TENM1: variants seen among roughly 807,000 people sequenced by gnomAD.
TENM1 encodes teneurin-1.
Under a neutral mutation model 174.8 loss-of-function variants are expected in TENM1, and 35 were observed. That is an observed-to-expected ratio of 0.20 (90% CI 0.15 to 0.27). TENM1 has a LOEUF of 0.27. Among genes scored for constraint, TENM1 ranks in the 10% least tolerant of loss-of-function variants. The pLI is 1.00. For missense variants in TENM1, 1,633 were observed against 2,130.1 expected, an observed-to-expected ratio of 0.77 and a Z score of 4.59; for synonymous variants, 781 against 798.7, an observed-to-expected ratio of 0.98 and a Z score of 0.37.
intron 1 of TENM1, among the ~76,000 whole-genome samples, chrX:124,925,450 A>G (rs1020852052): frequency 8.9e-6 from 1 of 112,229 alleles, no homozygotes; most frequent in African/African-American, 3.2e-5. Flanking sequence ...TTTACAGTTT[A>G]TATGCATGCT....
the TENM1 span, among the ~76,000 whole-genome samples, chrX:125,100,519 A>G: frequency 8.9e-6 from 1 of 112,218 alleles, no homozygotes; most frequent in Non-Finnish European, 1.9e-5. Flanking sequence ...AAATTTCACA[A>G]TACCATTGGG....
At chrX:124,770,780 C>T (rs770384804) in intron 3 of TENM1, among the ~76,000 whole-genome samples, 120 of 110,292 alleles carry the variant, frequency 1.1e-3, no homozygotes, top group Admixed American at 1.8e-3. Context: ...ATCTTTCTTG[C>T]GTTCTTTTTC....
chrX:124,400,825 T>G (rs1389709408), intron 27 of TENM1, among the ~76,000 whole-genome samples: 1 of 112,346 alleles, frequency 8.9e-6, no homozygotes, highest in African/African-American at 3.2e-5. Context: ...GCACTCTAAT[T>G]TCTCTATTGT....
chrX:124,955,298 T>A (rs1206704295), intron 1 of TENM1, among the ~76,000 whole-genome samples: 1 of 111,760 alleles, frequency 8.9e-6, no homozygotes, highest in Non-Finnish European at 1.9e-5. Flanking sequence ...ATTTAATTGG[T>A]CTGGGGAACA....
At chrX:125,173,159 A>C in the TENM1 span, among the ~76,000 whole-genome samples, 1 of 111,936 alleles carries the variant, frequency 8.9e-6, no homozygotes, top group South Asian at 3.7e-4. Context: ...ACATTTTATA[A>C]ACAGACATGA....
At chrX:124,588,599 G>C (rs1454951942) in intron 11 of TENM1, among the ~76,000 whole-genome samples, 10 of 110,074 alleles carry the variant, frequency 9.1e-5, no homozygotes, top group Non-Finnish European at 1.7e-4. Flanking sequence ...GCTAAATGAC[G>C]AGTTAATGGG....
chrX:124,643,267 T>C (rs970127263), intron 10 of TENM1, among the ~76,000 whole-genome samples: 1 of 111,667 alleles, frequency 9.0e-6, no homozygotes, highest in Non-Finnish European at 1.9e-5. Context: ...AATGTATTCA[T>C]GGAAGTCATA....
chrX:125,126,810 G>GC, the TENM1 span, among the ~76,000 whole-genome samples: 2 of 110,467 alleles, frequency 1.8e-5, no homozygotes, highest in Non-Finnish European at 3.8e-5. Flanking sequence ...CATGAATACT[G>GC]CCTCTAGGAA....
At chrX:125,065,777 TA>T in the TENM1 span, among the ~76,000 whole-genome samples, 562 of 112,613 alleles carry the variant, frequency 5.0e-3, 2 homozygotes, top group African/African-American at 0.017. Context: ...AAAATTGGTA[TA>T]AAAATAGCTG....
chrX:124,460,750 A>G (rs2061162454), intron 22 of TENM1, among the ~76,000 whole-genome samples: 1 of 110,818 alleles, frequency 9.0e-6, no homozygotes, highest in African/African-American at 3.3e-5. Context: ...AAAAAAAAAA[A>G]AAAGAAAATG....
chrX:125,167,683 G>T, the TENM1 span, among the ~76,000 whole-genome samples: 7 of 111,247 alleles, frequency 6.3e-5, no homozygotes, highest in Admixed American at 6.7e-4. Context: ...CCTCTATAAA[G>T]TGGGCACGGT....
chrX:124,728,866 C>T (rs2053500924), intron 4 of TENM1, among the ~76,000 whole-genome samples: 1 of 112,048 alleles, frequency 8.9e-6, no homozygotes, highest in South Asian at 3.7e-4. Context: ...CTCTCTGTAC[C>T]TCAGTTGCTT....
chrX:124,698,381 A>G (rs1393153439), intron 5 of TENM1, among the ~76,000 whole-genome samples: 3 of 111,206 alleles, frequency 2.7e-5, no homozygotes, highest in Non-Finnish European at 5.7e-5. Flanking sequence ...CTCCTGATAC[A>G]TCTTATTAGT....
At chrX:124,781,687 G>A (rs1233432025) in intron 3 of TENM1, among the ~76,000 whole-genome samples, 1 of 111,216 alleles carries the variant, frequency 9.0e-6, no homozygotes, top group South Asian at 3.8e-4. Context: ...TCTCCAAAAT[G>A]TATCCCTGTC....
At chrX:124,883,554 C>T (rs1447741848) in intron 3 of TENM1, among the ~76,000 whole-genome samples, 1 of 112,449 alleles carries the variant, frequency 8.9e-6, no homozygotes, top group Non-Finnish European at 1.9e-5. Flanking sequence ...TTCCAGAAAG[C>T]TTGCTCAAGT....
chrX:124,989,610 A>G, the TENM1 span, among the ~76,000 whole-genome samples: 1 of 111,274 alleles, frequency 9.0e-6, no homozygotes, highest in African/African-American at 3.3e-5. Context: ...CCTGATTTTA[A>G]GACTTATTAC....
the TENM1 span, among the ~76,000 whole-genome samples, chrX:125,064,241 A>G: frequency 9.0e-6 from 1 of 110,855 alleles, no homozygotes; most frequent in African/African-American, 3.3e-5. Context: ...GCACACCAAC[A>G]TGGCACATGT....
intron 5 of TENM1, among the ~76,000 whole-genome samples, chrX:124,682,350 C>T (rs1411478715): frequency 1.8e-5 from 2 of 111,242 alleles, no homozygotes; most frequent in African/African-American, 6.5e-5. Context: ...GTTAGAGTCT[C>T]ATTTTATGAA....
At chrX:125,099,556 A>C in the TENM1 span, among the ~76,000 whole-genome samples, 1 of 111,892 alleles carries the variant, frequency 8.9e-6, no homozygotes, top group Non-Finnish European at 1.9e-5. Context: ...TGCCCTCTAC[A>C]GCACATCCAG....
Sources: gnomAD v4.1 joint callset for allele counts (sites outside exome capture counted in the v4.1 genomes callset) on GRCh38, gnomAD v4.1.1 for gene constraint, MANE v1.5 for transcripts, NCBI Gene and HGNC (gene_info 2026-07-23, HGNC 2026-07-21) for gene names.